DPH6: variants seen among roughly 807,000 people sequenced by gnomAD.
DPH6 encodes diphthamine biosynthesis 6.
In DPH6, 33 loss-of-function variants were observed where a neutral mutation model predicts 38.2. That is an observed-to-expected ratio of 0.86 (90% CI 0.65 to 1.15). The LOEUF (loss-of-function observed/expected upper bound fraction) is 1.15. Ranked by LOEUF, DPH6 falls within the 50% of genes most tolerant of loss-of-function variation. The pLI, the probability that DPH6 is intolerant of heterozygous loss-of-function variation, is 0.00. For synonymous variants in DPH6, 108 were observed against 103.0 expected, an observed-to-expected ratio of 1.05 and a Z score of -0.30; for missense variants, 325 against 320.0, an observed-to-expected ratio of 1.02 and a Z score of -0.12.
chr15:35,394,286 T>A (rs1489284750), intron 6 of DPH6, among the ~76,000 whole-genome samples: 1 of 152,236 alleles, frequency 6.6e-6, no homozygotes, highest in Non-Finnish European at 1.5e-5. Context: ...TATATTATCA[T>A]CTTATTTAAT....
At chr15:35,493,086 T>C (rs933780571) in intron 3 of DPH6, among the ~76,000 whole-genome samples, 45 of 152,312 alleles carry the variant, frequency 3.0e-4, no homozygotes, top group African/African-American at 1.0e-3. Context: ...CCAAGGGTAG[T>C]ACATTCATGC....
chr15:35,406,269 C>T (rs960732784), intron 6 of DPH6, among the ~76,000 whole-genome samples: 6 of 151,892 alleles, frequency 4.0e-5, no homozygotes, highest in Non-Finnish European at 5.9e-5. Context: ...GGGAAACCAT[C>T]GATAGTTCAA....
chr15:35,486,517 A>T (rs1156862750), intron 3 of DPH6, among the ~76,000 whole-genome samples: 2 of 151,966 alleles, frequency 1.3e-5, no homozygotes, highest in African/African-American at 2.4e-5. Context: ...CCACACTTTT[A>T]AATCATCAGA....
intron 3 of DPH6, among the ~76,000 whole-genome samples, chr15:35,533,791 TAGAA>T (rs1486215952): frequency 6.6e-6 from 1 of 151,920 alleles, no homozygotes; most frequent in Non-Finnish European, 1.5e-5. Context: ...TTTATTAAGT[TAGAA>T]AGCAGATAAA....
chr15:35,358,810 G>A (rs942152033), intron 3 of DPH6, among the ~76,000 whole-genome samples: 3 of 152,182 alleles, frequency 2.0e-5, no homozygotes, highest in African/African-American at 4.8e-5. Flanking sequence ...TAGACACCAT[G>A]AGGATTCTTA....
chr15:35,284,185 C>A (rs1225845817), intron 3 of DPH6, among the ~76,000 whole-genome samples: 2 of 152,190 alleles, frequency 1.3e-5, no homozygotes, highest in East Asian at 3.8e-4. Flanking sequence ...CCCATACTTT[C>A]AGAAACTTTG....
chr15:35,327,842 T>C (rs1172862464), downstream of DPH6, among the ~76,000 whole-genome samples: 1 of 152,126 alleles, frequency 6.6e-6, no homozygotes, highest in Non-Finnish European at 1.5e-5. Context: ...AACTTTAGAG[T>C]GAGCAGCCCC....
At chr15:35,182,869 C>T in the DPH6 span, among the ~76,000 whole-genome samples, 15 of 152,144 alleles carry the variant, frequency 9.9e-5, no homozygotes, top group African/African-American at 3.6e-4. Flanking sequence ...ATCACTAGAA[C>T]TTTGGCACCA....
chr15:35,483,873 A>G (rs2054361585), intron 3 of DPH6, among the ~76,000 whole-genome samples: 2 of 152,232 alleles, frequency 1.3e-5, no homozygotes, highest in African/African-American at 4.8e-5. Context: ...TGAAGTACTG[A>G]TGTGTACAAC....
At chr15:35,420,933 G>GTAACACGGA (rs1175040802) in intron 5 of DPH6, among the ~76,000 whole-genome samples, 2 of 152,074 alleles carry the variant, frequency 1.3e-5, no homozygotes, top group Non-Finnish European at 2.9e-5. Flanking sequence ...ATTATAACCG[G>GTAACACGGA]TAACACGGAA....
At chr15:35,180,397 ACACACACAC>A in the DPH6 span, among the ~76,000 whole-genome samples, 7 of 1,040 alleles carry the variant, frequency 6.7e-3, no homozygotes, top group African/African-American at 6.9e-3. Flanking sequence ...TTTAAAACAC[ACACACACAC>A]ACACACACAC....
chr15:35,237,686 T>G (rs2051564066), intron 3 of DPH6: 5 of 1,613,554 alleles, frequency 3.1e-6, no homozygotes, highest in African/African-American at 2.7e-5. Flanking sequence ...CTTAGACCTT[T>G]TCAATTGCGA....
intron 5 of DPH6, among the ~76,000 whole-genome samples, chr15:35,425,565 G>A (rs926358167): frequency 2.0e-5 from 3 of 150,934 alleles, no homozygotes; most frequent in Non-Finnish European, 3.0e-5. Context: ...TTAGAATTAC[G>A]ATATAGTGCA....
chr15:35,484,128 G>A (rs1268865439), intron 3 of DPH6, among the ~76,000 whole-genome samples: 2 of 152,164 alleles, frequency 1.3e-5, no homozygotes, highest in Non-Finnish European at 2.9e-5. Context: ...CTTATAATAG[G>A]TGAATTTTAG....
At chr15:35,514,599 C>G (rs893317572) in intron 3 of DPH6, among the ~76,000 whole-genome samples, 1 of 152,010 alleles carries the variant, frequency 6.6e-6, no homozygotes, top group Non-Finnish European at 1.5e-5. Context: ...CTGAATCATA[C>G]GACTTCACTA....
At chr15:35,500,925 G>A (rs1271117035) in intron 3 of DPH6, among the ~76,000 whole-genome samples, 1 of 152,102 alleles carries the variant, frequency 6.6e-6, no homozygotes, top group Non-Finnish European at 1.5e-5. Flanking sequence ...ATTTTTAGTA[G>A]AGATGGGGTT....
downstream of DPH6, among the ~76,000 whole-genome samples, chr15:35,367,731 T>C (rs375652627): frequency 1.3e-5 from 2 of 151,956 alleles, no homozygotes; most frequent in South Asian, 4.1e-4. Flanking sequence ...AATTATTTAA[T>C]AGAAAAGTTT....
chr15:35,545,246 T>C (rs898160346), intron 1 of DPH6, among the ~76,000 whole-genome samples: 9 of 152,242 alleles, frequency 5.9e-5, no homozygotes, highest in African/African-American at 2.2e-4. Context: ...GTAGTCTAAC[T>C]TTTTAATGTT....
intron 3 of DPH6, among the ~76,000 whole-genome samples, chr15:35,311,076 A>ACAG (rs2052137548): frequency 6.6e-6 from 1 of 151,182 alleles, no homozygotes; most frequent in African/African-American, 2.4e-5. Flanking sequence ...AACAACAACA[A>ACAG]CAACAAAAAA....
Sources: gnomAD v4.1 joint callset for allele counts (sites outside exome capture counted in the v4.1 genomes callset) on GRCh38, gnomAD v4.1.1 for gene constraint, MANE v1.5 for transcripts, NCBI Gene and HGNC (gene_info 2026-07-23, HGNC 2026-07-21) for gene names.